PAMR1: variants seen among roughly 807,000 people sequenced by gnomAD.
PAMR1 encodes inactive serine protease PAMR1.
In PAMR1, 88 loss-of-function variants were observed where a neutral mutation model predicts 81.8. The observed-to-expected ratio is 1.08, with a 90% CI of 0.91 to 1.28. The LOEUF (loss-of-function observed/expected upper bound fraction) is 1.28, where lower values mean the gene tolerates loss of function less well. PAMR1 is among the 50% of genes most tolerant of loss of function. The pLI, the probability that PAMR1 is intolerant of heterozygous loss-of-function variation, is 0.00. For synonymous variants in PAMR1, 336 were observed against 345.3 expected (o/e 0.97, Z 0.30); for missense variants, 935 against 919.7 (o/e 1.02, Z -0.21).
intron 6 of PAMR1, among the ~76,000 whole-genome samples, chr11:35,457,620 T>C (rs1217648835): frequency 6.6e-6 from 1 of 152,194 alleles, no homozygotes; most frequent in Non-Finnish European, 1.5e-5. Context: ...TGAGGTGTCT[T>C]AGGTTGGGTT....
rs1565325648 is a variant in PAMR1, at chr11:35,439,644, C to CA, written c.1082_1083insT (p.Met362AspfsTer52). ...GACCTCACCTTGACTGAACCTGCAT[C>CA]GGAAGAACTCTCCTTCTCACCAGGT... On this transcript the variant is annotated frameshift_variant, in exon 8 of 11. Transcript: ENST00000619888. LOFTEE classifies it high-confidence loss of function. 3 of 1,613,802 alleles carry CA rather than the reference C, an allele frequency of 1.9e-6. No homozygotes were observed. The highest frequency in any genetic ancestry group is 2.5e-6 in the Non-Finnish European group (3 of 1,179,856).
At chr11:35,509,861 A>G (rs541817649) in intron 1 of PAMR1, among the ~76,000 whole-genome samples, 37 of 152,318 alleles carry the variant, frequency 2.4e-4, no homozygotes, top group African/African-American at 8.4e-4. Flanking sequence ...AATTGAGCAA[A>G]CTTAACTTTG....
intron 6 of PAMR1, among the ~76,000 whole-genome samples, chr11:35,450,812 T>A (rs954194883): frequency 6.6e-6 from 1 of 152,216 alleles, no homozygotes; most frequent in African/African-American, 2.4e-5. Context: ...AATAATCAAC[T>A]GGAGTTGAAA....
chr11:35,471,421 C>T (rs896853077), intron 4 of PAMR1, among the ~76,000 whole-genome samples: 16 of 152,138 alleles, frequency 1.1e-4, no homozygotes, highest in African/African-American at 3.4e-4. Context: ...AAATATACGA[C>T]TGAATGGATA....
chr11:35,514,988 G>T (rs1455128065), intron 1 of PAMR1, among the ~76,000 whole-genome samples: 1 of 152,198 alleles, frequency 6.6e-6, no homozygotes, highest in Non-Finnish European at 1.5e-5. Flanking sequence ...CTGGGTGACA[G>T]ACCAAGATCC....
chr11:35,432,438 T>C lies in PAMR1; in HGVS notation c.2081A>G (p.Asp694Gly), dbSNP rs1399960473. The stretch of plus-strand genomic sequence containing the variant: ...GGAGAGCCTGTGGCTGCATGTTTTA[T>C]CATAGCTCCAGCTGACCAGTCCCAT... The part of the protein sequence containing the change: ...HLMGLVSWSY[D>G]KTCSHRLSTA... Residue 694 changes from aspartate (D) to glycine (G), a missense_variant, in exon 11 of 11, where the codon GAT (aspartate) becomes GGT (glycine). Physicochemically the swap from Asp to Gly is moderately conservative, Grantham distance 94. Coordinates refer to ENST00000619888, the MANE Select transcript of PAMR1 (RefSeq NM_001001991.3). 6.2e-7 allele frequency: 1 copy of C among 1,614,082 alleles called. No homozygotes were observed. The highest frequency in any genetic ancestry group is 1.3e-5 in the African/African-American group (1 of 74,950).
At chr11:35,503,017 A>G (rs192840192) in intron 1 of PAMR1, among the ~76,000 whole-genome samples, 1 of 152,258 alleles carries the variant, frequency 6.6e-6, no homozygotes, top group Admixed American at 6.5e-5. Context: ...GATTTTATGT[A>G]TAAGAAATAA....
chr11:35,459,110 T>C (rs1156983512), intron 6 of PAMR1, among the ~76,000 whole-genome samples: 2 of 152,202 alleles, frequency 1.3e-5, no homozygotes, highest in Non-Finnish European at 1.5e-5. Flanking sequence ...CACACACTGT[T>C]ATTTTTTCAT....
intron 1 of PAMR1, among the ~76,000 whole-genome samples, chr11:35,510,060 G>A (rs939939540): frequency 6.6e-6 from 1 of 152,146 alleles, no homozygotes; most frequent in Non-Finnish European, 1.5e-5. Context: ...GGAGTTCTGG[G>A]TGCTACACAC....
intron 7 of PAMR1, among the ~76,000 whole-genome samples, chr11:35,440,801 G>A (rs1443243458): frequency 6.6e-6 from 1 of 152,060 alleles, no homozygotes; most frequent in Non-Finnish European, 1.5e-5. Flanking sequence ...CTTCACTTCT[G>A]CCTACACCTC....
intron 6 of PAMR1, among the ~76,000 whole-genome samples, chr11:35,458,807 A>G (rs1042007583): frequency 6.6e-6 from 1 of 152,240 alleles, no homozygotes; most frequent in African/African-American, 2.4e-5. Flanking sequence ...TCTACTTAAC[A>G]TGAGGCCAGC....
upstream of PAMR1, among the ~76,000 whole-genome samples, chr11:35,526,199 C>A (rs1851386097): frequency 6.6e-6 from 1 of 152,190 alleles, no homozygotes; most frequent in South Asian, 2.1e-4. Context: ...AGCTTATTAT[C>A]TTTTGCAACT....
At chr11:35,491,096 C>T (rs1850616170) in intron 3 of PAMR1, among the ~76,000 whole-genome samples, 1 of 152,160 alleles carries the variant, frequency 6.6e-6, no homozygotes, top group Non-Finnish European at 1.5e-5. Context: ...TTTAAATCAG[C>T]AACGAAGACC....
At chr11:35,490,604 T>C (rs1280468189) in intron 3 of PAMR1, among the ~76,000 whole-genome samples, 2 of 152,178 alleles carry the variant, frequency 1.3e-5, no homozygotes, top group African/African-American at 2.4e-5. Flanking sequence ...CTGGGCAACA[T>C]AGTAGGACCC....
At chr11:35,466,163 T>C (rs1856752654) in intron 6 of PAMR1, among the ~76,000 whole-genome samples, 1 of 152,188 alleles carries the variant, frequency 6.6e-6, no homozygotes, top group South Asian at 2.1e-4. Flanking sequence ...AGCTCAGTAT[T>C]TGCTATTGTC....
intron 3 of PAMR1, among the ~76,000 whole-genome samples, chr11:35,487,459 A>T (rs778599721): frequency 3.3e-5 from 5 of 152,160 alleles, no homozygotes; most frequent in Non-Finnish European, 5.9e-5. Context: ...TTGGATCAAC[A>T]AAACAACTGG....
intron 6 of PAMR1, among the ~76,000 whole-genome samples, chr11:35,454,334 C>T (rs1856480210): frequency 6.6e-6 from 1 of 152,180 alleles, no homozygotes; most frequent in African/African-American, 2.4e-5. Flanking sequence ...CCCCTAGGCC[C>T]ACCCCAGGGT....
chr11:35,514,502 C>T (rs1851128552), intron 1 of PAMR1, among the ~76,000 whole-genome samples: 1 of 152,180 alleles, frequency 6.6e-6, no homozygotes, highest in Non-Finnish European at 1.5e-5. Flanking sequence ...CATCCATACC[C>T]AAAGGGAACA....
chr11:35,515,537 T>C (rs1224815665), intron 1 of PAMR1, among the ~76,000 whole-genome samples: 1 of 152,236 alleles, frequency 6.6e-6, no homozygotes, highest in Non-Finnish European at 1.5e-5. Flanking sequence ...TGAGGATTCC[T>C]GGCTGGCTCT....
Sources: gnomAD v4.1 joint callset for allele counts (sites outside exome capture counted in the v4.1 genomes callset) on GRCh38, gnomAD v4.1.1 for gene constraint, MANE v1.5 for transcripts, NCBI Gene and HGNC (gene_info 2026-07-23, HGNC 2026-07-21) for gene names.